The following HRCT1 variants were observed in gnomAD, a reference collection of about 807,000 sequenced individuals.
The protein encoded by HRCT1 is histidine rich carboxyl terminus 1.
For missense variants in HRCT1, 185 were observed against 161.3 expected (o/e 1.15, Z -0.80); for synonymous variants, 76 against 69.0 (o/e 1.10, Z -0.50).
rs1554690916 is a variant in HRCT1, at chr9:35,906,598, A to ACCACCACCACCCCCACCC, written c.316_317insACCACCCCCACCCCCACC (p.His105_Pro106insHisHisProHisProHis). The ACCACCACCACCCCCACCC allele has an allele frequency of 1.9e-5, 23 of 1,195,502 alleles. No homozygotes were observed. The highest frequency in any genetic ancestry group is 6.6e-5 in the East Asian group (2 of 30,300). The allele number at this position is 1,195,502 out of a possible 1,614,324, so 74.1% of individuals were successfully genotyped here. On this transcript the variant is annotated inframe_insertion, in exon 1 of 1. Coordinates refer to ENST00000354323, the MANE Select transcript of HRCT1 (RefSeq NM_001039792.2). The stretch of plus-strand genomic sequence containing the variant: ...ACCCCTCACCACCTCCACCACCACC[A>ACCACCACCACCCCCACCC]CCACCCCCACCGCCACCATCCCCGC...
At position 35,906,741 on chromosome 9, in the gene HRCT1, T is replaced by A; in HGVS notation, c.*106T>A. 2.1e-6 allele frequency: 3 copies of A among 1,460,368 alleles called. No individual in the cohort carries two copies. The highest frequency in any genetic ancestry group is 1.4e-5 in the South Asian group (1 of 74,020). The allele number at this position is 1,460,368 out of a possible 1,614,324, so 90.5% of individuals were successfully genotyped here. On this transcript the variant is annotated 3_prime_UTR_variant, in exon 1 of 1. Transcript: ENST00000354323. ...CATGTGGAAGGATGCATCTCTGGGG[T>A]GAACGAGGGGAACAATAGACTGGGG...
Position 35,906,350 on chromosome 9 carries a change from C to CCTG in HRCT1, c.82_84dup (p.Leu28dup), listed in dbSNP as rs370606246. The CCTG allele has an allele frequency of 1.6e-4, 255 of 1,604,736 alleles. No individual in the cohort carries two copies. Among genetic ancestry groups the CCTG allele is most frequent in the African/African-American group, 7.9e-4 (59 of 74,850 alleles). On this transcript the variant is annotated inframe_insertion, in exon 1 of 1. Transcript: ENST00000354323. ...GGATCACAGGTGCTGCTGTGGCGGT[C>CCTG]CTGCTGCTGCTGCTGCTGCTGGCCA... is the stretch of plus-strand genomic sequence containing the variant.
In HRCT1 at chr9:35,906,578, T is replaced by TCACCACCTCCAC. The variant is rs745974201; in HGVS notation, c.299_310dup (p.Leu100_His103dup). Reference sequence around the variant, plus strand: ...ACCACCACCACCCCCGCCACACCCCTCACCACCTCCACCACCACCACCACC... The same window carrying TCACCACCTCCAC: ...ACCACCACCACCCCCGCCACACCCCTCACCACCTCCACCACCACCTCCACCACCACCACCACC... On this transcript the variant is annotated inframe_insertion, in exon 1 of 1. Transcript: ENST00000354323. 4.7e-3 allele frequency: 5,987 copies of TCACCACCTCCAC among 1,277,784 alleles called. 51 individuals carry two copies. The highest frequency in any genetic ancestry group is 0.011 in the Middle Eastern group (42 of 3,854). The allele number at this position is 1,277,784 out of a possible 1,614,324, so 79.2% of individuals were successfully genotyped here.
chr9:35,906,795 C>A lies in HRCT1; in HGVS notation c.*160C>A. On this transcript the variant is annotated 3_prime_UTR_variant, in exon 1 of 1. Transcript: ENST00000354323. ...GCTCCAGCTGCATTTGCATGGCATG[C>A]CCCAGTGTACTATGGCAGCAGAGAA... 1.0e-6 allele frequency: 1 copy of A among 993,324 alleles called. No homozygotes were observed. The highest frequency in any genetic ancestry group is 1.5e-6 in the Non-Finnish European group (1 of 678,768). 61.5% of individuals were successfully genotyped at this position (993,324 alleles called of 1,614,324 possible). A position where few individuals can be genotyped will look rare whatever the true frequency, so the allele number is the denominator to read the frequency against.
Position 35,906,271 on chromosome 9 carries a change from G to A in HRCT1, c.-17G>A, listed in dbSNP as rs749449475. 3.8e-6 allele frequency: 6 copies of A among 1,584,858 alleles called. No homozygotes were observed. Among genetic ancestry groups the A allele is most frequent in the Non-Finnish European group, 5.2e-6 (6 of 1,164,286 alleles). On this transcript the variant is annotated 5_prime_UTR_variant, in exon 1 of 1. Coordinates refer to ENST00000354323, the MANE Select transcript of HRCT1 (RefSeq NM_001039792.2). The stretch of plus-strand genomic sequence containing the variant: ...AGTGAGGAGCTGCTGGGCAGAGAGG[G>A]ACTGTCCGGCTCCCAGATGCTGGGC...
At position 35,906,595 on chromosome 9, in the gene HRCT1, A is replaced by ACCACCACCCCCACCACCG; in HGVS notation, c.322_323insACCGCCACCACCCCCACC (p.His107_Arg108insHisArgHisHisProHis). The stretch of plus-strand genomic sequence containing the variant: ...CACACCCCTCACCACCTCCACCACC[A>ACCACCACCCCCACCACCG]CCACCACCCCCACCGCCACCATCCC... On this transcript the variant is annotated inframe_insertion, in exon 1 of 1. Transcript: ENST00000354323. 8.3e-7 allele frequency: 1 copy of ACCACCACCCCCACCACCG among 1,198,304 alleles called. No homozygotes were observed. The allele number at this position is 1,198,304 out of a possible 1,614,324, so 74.2% of individuals were successfully genotyped here.
At position 35,907,072 on chromosome 9, in the gene HRCT1, G is replaced by A; in HGVS notation, c.*437G>A. The A allele has an allele frequency of 4.5e-6, 1 of 222,378 alleles. No homozygotes were observed. Among genetic ancestry groups the A allele is most frequent in the Non-Finnish European group, 9.8e-6 (1 of 102,370 alleles). 13.8% of individuals were successfully genotyped at this position (222,378 alleles called of 1,614,324 possible). ...AGAATGTCCTTTTGGTTTGGAGAAG[G>A]CAGTGTGAGGCTGCACAGTCAATTC... is the stretch of plus-strand genomic sequence containing the variant. On this transcript the variant is annotated 3_prime_UTR_variant, in exon 1 of 1. Coordinates refer to ENST00000354323, the MANE Select transcript of HRCT1 (RefSeq NM_001039792.2).
chr9:35,906,604 C>CCGCCACCACCACCA, the HRCT1 span: 1 of 1,154,920 alleles, frequency 8.7e-7, no homozygotes, highest in South Asian at 1.4e-5. Context: ...CACCACCACC[C>CCGCCACCACCACCA]CCACCGCCAC....
rs370606246 is a variant in HRCT1, at chr9:35,906,350, CCTG to C, written c.82_84del (p.Leu28del). ...GGATCACAGGTGCTGCTGTGGCGGT[CCTG>C]CTGCTGCTGCTGCTGCTGGCCACCT... On this transcript the variant is annotated inframe_deletion, in exon 1 of 1. Coordinates refer to ENST00000354323, the MANE Select transcript of HRCT1 (RefSeq NM_001039792.2). 5,933 of 1,221,908 alleles carry C rather than the reference CCTG, an allele frequency of 4.9e-3. No homozygotes were observed. The highest frequency in any genetic ancestry group is 0.016 in the South Asian group (795 of 48,746). 75.7% of individuals were successfully genotyped at this position (1,221,908 alleles called of 1,614,324 possible).
rs745310177 is a variant in HRCT1, at chr9:35,906,557, C to T, written c.270C>T (p.His90=). The change falls in exon 1 of 1, where the codon CAC becomes CAT. Residue 90 remains histidine, a synonymous_variant. Coordinates refer to ENST00000354323, the MANE Select transcript of HRCT1 (RefSeq NM_001039792.2). ...TGCCGAATGTGGGCCTCCACCACCA[C>T]CACCACCCCCGCCACACCCCTCACC... ...SHVPNVGLHH[H]HHPRHTPHHL... is the part of the protein sequence containing the mutation. 1.3e-6 allele frequency: 2 copies of T among 1,569,182 alleles called. No individual in the cohort carries two copies. Among genetic ancestry groups the T allele is most frequent in the South Asian group, 1.1e-5 (1 of 88,886 alleles).
In HRCT1 at chr9:35,906,604, C is replaced by CCCACCGCCACCATCCCCG. The variant is rs1833104733; in HGVS notation, c.322_339dup (p.Arg108_His113dup). The CCCACCGCCACCATCCCCG allele has an allele frequency of 2.6e-6, 3 of 1,157,754 alleles. No homozygotes were observed. The highest frequency in any genetic ancestry group is 5.8e-5 in the African/African-American group (2 of 34,366). The allele number at this position is 1,157,754 out of a possible 1,614,324, so 71.7% of individuals were successfully genotyped here. Reference sequence around the variant, plus strand: ...CACCACCTCCACCACCACCACCACCCCCACCGCCACCATCCCCGCCACGCT... The same window carrying CCCACCGCCACCATCCCCG: ...CACCACCTCCACCACCACCACCACCCCCACCGCCACCATCCCCGCCACCGCCACCATCCCCGCCACGCT... On this transcript the variant is annotated inframe_insertion, in exon 1 of 1. Transcript: ENST00000354323.
Position 35,906,965 on chromosome 9 carries a change from A to C in HRCT1, c.*330A>C. 2.4e-6 allele frequency: 1 copy of C among 416,164 alleles called. No individual in the cohort carries two copies. Among genetic ancestry groups the C allele is most frequent in the East Asian group, 3.7e-5 (1 of 26,704 alleles). 25.8% of individuals were successfully genotyped at this position (416,164 alleles called of 1,614,324 possible). On this transcript the variant is annotated 3_prime_UTR_variant, in exon 1 of 1. Coordinates refer to ENST00000354323, the MANE Select transcript of HRCT1 (RefSeq NM_001039792.2). ...GCGTGTCTTGGCAGAGCCAGCACAC[A>C]AGTGGATGTGAAGTGCCCGTCTTGA...
In HRCT1 at chr9:35,906,513, C is replaced by A. The variant is rs745594430; in HGVS notation, c.226C>A (p.Pro76Thr). The A allele has an allele frequency of 6.2e-7, 1 of 1,611,860 alleles. No individual in the cohort carries two copies. Among genetic ancestry groups the A allele is most frequent in the Non-Finnish European group, 8.5e-7 (1 of 1,179,950 alleles). The stretch of plus-strand genomic sequence containing the variant: ...GGGAATCTTTCACCATCACCGTCAT[C>A]CTGGCCACGTATCTCATGTGCCGAA... Reference protein sequence around the residue: ...HLGIFHHHRHPGHVSHVPNVG... With the variant: ...HLGIFHHHRHTGHVSHVPNVG... Residue 76 changes from proline (P) to threonine (T), a missense_variant, in exon 1 of 1, where the codon CCT becomes ACT. By Grantham distance (38) the Pro-to-Thr change is conservative (BLOSUM62 -1). Transcript: ENST00000354323.
At position 35,906,277 on chromosome 9, in the gene HRCT1, C is replaced by T. The variant is rs894542009; in HGVS notation, c.-11C>T. 4 of 1,590,470 alleles carry T rather than the reference C, an allele frequency of 2.5e-6. No homozygotes were observed. Among genetic ancestry groups the T allele is most frequent in the Admixed American group, 3.4e-5 (2 of 59,096 alleles). On this transcript the variant is annotated 5_prime_UTR_variant, in exon 1 of 1. Transcript: ENST00000354323. ...GAGCTGCTGGGCAGAGAGGGACTGT[C>T]CGGCTCCCAGATGCTGGGCCTCCTG... is the stretch of plus-strand genomic sequence containing the variant.
chr9:35,906,601 A>ACCACCACCACCC lies in HRCT1; in HGVS notation c.316_317insACCACCACCCCC (p.His105_Pro106insHisHisHisPro), dbSNP rs1554690920. 14 of 1,079,770 alleles carry ACCACCACCACCC rather than the reference A, an allele frequency of 1.3e-5. No individual in the cohort carries two copies. In the African/African-American group the frequency reaches 2.3e-4, roughly 18 times the overall value. 66.9% of individuals were successfully genotyped at this position (1,079,770 alleles called of 1,614,324 possible). Reference sequence around the variant, plus strand: ...CCTCACCACCTCCACCACCACCACCACCCCCACCGCCACCATCCCCGCCAC... The same window carrying ACCACCACCACCC: ...CCTCACCACCTCCACCACCACCACCACCACCACCACCCCCCCCACCGCCACCATCCCCGCCAC... On this transcript the variant is annotated inframe_insertion, in exon 1 of 1. Transcript: ENST00000354323.
Position 35,906,532 on chromosome 9 carries a change from T to G in HRCT1, c.245T>G (p.Val82Gly). 6.4e-7 allele frequency: 1 copy of G among 1,553,662 alleles called. No individual in the cohort carries two copies. Among genetic ancestry groups the G allele is most frequent in the Non-Finnish European group, 8.7e-7 (1 of 1,149,358 alleles). Reference protein sequence around the residue: ...HHRHPGHVSHVPNVGLHHHHH... With the variant: ...HHRHPGHVSHGPNVGLHHHHH... ...CGTCATCCTGGCCACGTATCTCATG[T>G]GCCGAATGTGGGCCTCCACCACCAC... The change falls in exon 1 of 1, where the codon GTG becomes GGG. Residue 82 changes from valine (V) to glycine (G), a missense_variant. Val to Gly is a moderately radical substitution (Grantham distance 109). Transcript: ENST00000354323.
Position 35,906,533 on chromosome 9 carries a change from G to T in HRCT1, c.246G>T (p.Val82=). Residue 82 remains valine, a synonymous_variant, in exon 1 of 1, where the codon GTG becomes GTT. Coordinates refer to ENST00000354323, the MANE Select transcript of HRCT1 (RefSeq NM_001039792.2). ...GTCATCCTGGCCACGTATCTCATGT[G>T]CCGAATGTGGGCCTCCACCACCACC... ...HHRHPGHVSH[V]PNVGLHHHHH... The T allele has an allele frequency of 6.5e-7, 1 of 1,530,064 alleles. No homozygotes were observed. Among genetic ancestry groups the T allele is most frequent in the South Asian group, 1.1e-5 (1 of 88,656 alleles). The allele number at this position is 1,530,064 out of a possible 1,614,324, so 94.8% of individuals were successfully genotyped here.
chr9:35,906,604 C>CCCCCG, the HRCT1 span: 4 of 1,157,686 alleles, frequency 3.5e-6, no homozygotes, highest in African/African-American at 5.8e-5. Flanking sequence ...CACCACCACC[C>CCCCCG]CCACCGCCAC....
rs1361555880 is a variant in HRCT1, at chr9:35,906,554, C to T, written c.267C>T (p.His89=). ...ATGTGCCGAATGTGGGCCTCCACCA[C>T]CACCACCACCCCCGCCACACCCCTC... The part of the protein sequence containing the change: ...VSHVPNVGLH[H]HHHPRHTPHH... The change falls in exon 1 of 1, where the codon CAC becomes CAT. Residue 89 remains histidine, a synonymous_variant. Transcript: ENST00000354323. The T allele has an allele frequency of 3.8e-6, 6 of 1,586,626 alleles. No homozygotes were observed. In the South Asian group the frequency reaches 5.6e-5, roughly 15 times the overall value.
Sources: allele counts gnomAD v4.1 joint callset, GRCh38; gene constraint gnomAD v4.1.1; transcripts MANE v1.5; gene names NCBI Gene and HGNC (gene_info 2026-07-23, HGNC 2026-07-21).